NCAPH: variants seen among roughly 807,000 people sequenced by gnomAD.
NCAPH encodes the protein non-SMC condensin I complex subunit H, also known as condensin complex subunit 2.
In NCAPH, 38 loss-of-function variants were observed where a neutral mutation model predicts 85.5. The ratio of observed to expected loss-of-function variants is 0.44; its 90% CI spans 0.34 to 0.58. The LOEUF (loss-of-function observed/expected upper bound fraction) is 0.58. Ranked by LOEUF, NCAPH falls within the 20% of genes least tolerant of loss-of-function variation. The pLI is 0.01. For missense variants in NCAPH, 789 were observed against 916.6 expected, an observed-to-expected ratio of 0.86 and a Z score of 1.80; for synonymous variants, 301 against 335.1, an observed-to-expected ratio of 0.90 and a Z score of 1.11.
chr2:96,365,928 G>A lies in NCAPH; in HGVS notation c.1751G>A (p.Gly584Glu), dbSNP rs1206515931. The part of the protein sequence containing the change: ...DLDDLFVGPV[G>E]NSDLSPYPCH... The stretch of plus-strand genomic sequence containing the variant: ...GATGACTTATTTGTGGGACCTGTTG[G>A]GAACTCTGACCTCTCACCTTATCCT... The change falls in exon 14 of 18, where the codon GGG (glycine) becomes GAG (glutamate). Residue 584 changes from glycine to glutamate, a missense_variant. Transcript: ENST00000240423. 1 of 1,614,174 alleles carries A rather than the reference G, an allele frequency of 6.2e-7. No individual in the cohort carries two copies. Among genetic ancestry groups the A allele is most frequent in the Non-Finnish European group, 8.5e-7 (1 of 1,180,036 alleles).
rs34560390 is a variant in NCAPH, at chr2:96,338,241, GA to G, written c.19+2415del. On this transcript the variant is annotated intron_variant, in intron 1 of 17. Transcript: ENST00000240423. The stretch of plus-strand genomic sequence containing the variant: ...CCTTGTTTTTACTTCCTATTTTATT[GA>G]AAAAAAAAAAAAAAAAAAAAAGCAA... 6.2e-4 allele frequency among the ~76,000 whole-genome samples: 50 copies of G among 80,824 alleles called. 1 individual carries two copies. The highest frequency in any genetic ancestry group is 1.8e-3 in the Admixed American group (11 of 6,040). The allele number at this position is 80,824 out of a possible 152,430, so 53.0% of individuals were successfully genotyped here.
At chr2:96,345,820 A>G (rs541045773) in intron 6 of NCAPH, among the ~76,000 whole-genome samples, 46 of 152,344 alleles carry the variant, frequency 3.0e-4, no homozygotes, top group African/African-American at 1.1e-3. Flanking sequence ...AGCTTTACAG[A>G]GATTCGTATT....
At chr2:96,338,515 A>T (rs1280179770) in intron 1 of NCAPH, among the ~76,000 whole-genome samples, 1 of 152,218 alleles carries the variant, frequency 6.6e-6, no homozygotes, top group Admixed American at 6.5e-5. Flanking sequence ...TTACGTGGTG[A>T]AAGAGACTTT....
rs1459869932 is a variant in NCAPH at position 96,342,830 on chromosome 2, C to A, written c.438C>A (p.Thr146=). The A allele has an allele frequency of 6.2e-7, 1 of 1,611,734 alleles. No homozygotes were observed. Among genetic ancestry groups the A allele is most frequent in the Non-Finnish European group, 8.5e-7 (1 of 1,178,610 alleles). Residue 146 remains threonine (T), a synonymous_variant, in exon 4 of 18, where the codon ACC becomes ACA. Coordinates refer to ENST00000240423, the MANE Select transcript of NCAPH (RefSeq NM_015341.5). The part of the protein sequence containing the change: ...FMSEILKQKD[T]EPTNFKVAAG... ...CAGAGATTCTTAAACAGAAAGACAC[C>A]GAACCAACCAACTTTAAAGTAAGAA...
chr2:96,336,614 T>C (rs1213382288), intron 1 of NCAPH, among the ~76,000 whole-genome samples: 3 of 152,098 alleles, frequency 2.0e-5, no homozygotes, highest in Non-Finnish European at 2.9e-5. Flanking sequence ...GGAAATTGAG[T>C]TACATTTTGG....
intron 8 of NCAPH, among the ~76,000 whole-genome samples, chr2:96,353,648 C>T (rs978002055): frequency 2.0e-5 from 3 of 152,132 alleles, no homozygotes; most frequent in Non-Finnish European, 2.9e-5. Context: ...TAGGGTAAGG[C>T]GGCCCTGGCA....
intron 12 of NCAPH, among the ~76,000 whole-genome samples, chr2:96,362,209 G>A (rs1299208245): frequency 6.6e-6 from 1 of 151,616 alleles, no homozygotes; most frequent in Non-Finnish European, 1.5e-5. Flanking sequence ...GACAAAGTGA[G>A]GCCTCATCTC....
In NCAPH at chr2:96,344,112, T is replaced by C; in HGVS notation, c.603T>C (p.Ser201=). Residue 201 remains serine, a synonymous_variant, in exon 6 of 18, where the codon AGT becomes AGC. Transcript: ENST00000240423. Reference sequence around the variant, plus strand: ...TTGTATTTCTCCTTTTAGATGGAAGTGCTACTGAAATGGGAACAACCAAAA... The same window carrying C: ...TTGTATTTCTCCTTTTAGATGGAAGCGCTACTGAAATGGGAACAACCAAAA... ...EEVEGHVADG[S]ATEMGTTKKA... The C allele has an allele frequency of 1.2e-6, 2 of 1,611,682 alleles. No individual in the cohort carries two copies. Among genetic ancestry groups the C allele is most frequent in the Non-Finnish European group, 1.7e-6 (2 of 1,179,346 alleles).
Position 96,367,285 on chromosome 2 carries a change from A to G in NCAPH, c.1910A>G (p.Lys637Arg). 6.2e-7 allele frequency: 1 copy of G among 1,613,338 alleles called. No individual in the cohort carries two copies. Residue 637 changes from lysine to arginine, a missense_variant, in exon 15 of 18, where the codon AAG (lysine) becomes AGG (arginine). Transcript: ENST00000240423. The stretch of plus-strand genomic sequence containing the variant: ...AATAAAATTGAAATTCACTATGCCA[A>G]GACTGCCAAAAAGATGGACATGAAG... ...KVNKIEIHYA[K>R]TAKKMDMKKL...
chr2:96,358,662 G>A lies in NCAPH; in HGVS notation c.1209-383G>A, dbSNP rs867027233. 1.5e-4 allele frequency among the ~76,000 whole-genome samples: 23 copies of A among 152,276 alleles called. No individual in the cohort carries two copies. In the South Asian group the frequency reaches 2.5e-3, roughly 16 times the overall value. On this transcript the variant is annotated intron_variant, in intron 9 of 17. Transcript: ENST00000240423. Reference sequence around the variant, plus strand: ...TTTTTGTATTTTTAGTAGAGACGGCGTTTCACTGTGTTAGCCAGGGTGGTC... The same window carrying A: ...TTTTTGTATTTTTAGTAGAGACGGCATTTCACTGTGTTAGCCAGGGTGGTC...
At chr2:96,371,797 G>A (rs902117484) in intron 17 of NCAPH, among the ~76,000 whole-genome samples, 1 of 152,190 alleles carries the variant, frequency 6.6e-6, no homozygotes, top group East Asian at 1.9e-4. Flanking sequence ...GCCACCAAGA[G>A]AAATATTCTC....
At chr2:96,369,141 A>C in intron 16 of NCAPH, 78 bp downstream of exon 16, 1 of 1,344,226 alleles carries the variant, frequency 7.4e-7, no homozygotes, top group Non-Finnish European at 1.0e-6. Flanking sequence ...TCCACACACA[A>C]CCTGTTTCCT....
At chr2:96,336,381 C>A (rs1176930495) in intron 1 of NCAPH, among the ~76,000 whole-genome samples, 1 of 152,138 alleles carries the variant, frequency 6.6e-6, no homozygotes, top group Admixed American at 6.5e-5. Flanking sequence ...ACACATGAGG[C>A]TGAGTGCTGT....
At chr2:96,361,769 C>CACATAT (rs1420763895) in intron 12 of NCAPH, among the ~76,000 whole-genome samples, 16 of 114,976 alleles carry the variant, frequency 1.4e-4, no homozygotes, top group Non-Finnish European at 1.9e-4. Context: ...TATATATATA[C>CACATAT]ATATATATAT....
chr2:96,349,110 A>G (rs948569436), intron 6 of NCAPH, among the ~76,000 whole-genome samples: 1 of 152,216 alleles, frequency 6.6e-6, no homozygotes, highest in African/African-American at 2.4e-5. Context: ...CCAGGCCTGC[A>G]TTAGCTTTTC....
intron 12 of NCAPH, among the ~76,000 whole-genome samples, chr2:96,362,030 CG>C (rs1230064590): frequency 6.6e-6 from 1 of 151,350 alleles, no homozygotes; most frequent in African/African-American, 2.4e-5. Context: ...AGGCGTGAGC[CG>C]TTACACCTGG....
chr2:96,358,273 T>A (rs982736555), intron 9 of NCAPH, among the ~76,000 whole-genome samples: 4 of 152,162 alleles, frequency 2.6e-5, no homozygotes, highest in African/African-American at 9.6e-5. Context: ...TAGACAAACA[T>A]GTTTTTTCAC....
At chr2:96,370,369 A>G (rs2064756823) in intron 17 of NCAPH, among the ~76,000 whole-genome samples, 1 of 152,216 alleles carries the variant, frequency 6.6e-6, no homozygotes, top group Non-Finnish European at 1.5e-5. Flanking sequence ...GAACGCCGAA[A>G]TGTGGTTTTG....
At chr2:96,341,979 G>A (rs989097366) in intron 2 of NCAPH, 71 bp from the exon 3 acceptor site, 1 of 1,604,250 alleles carries the variant, frequency 6.2e-7, no homozygotes. Context: ...AAAACTTCAT[G>A]GGTCTAGGTT....
Sources: gnomAD v4.1 joint callset for allele counts (sites outside exome capture counted in the v4.1 genomes callset) on GRCh38, gnomAD v4.1.1 for gene constraint, MANE v1.5 for transcripts, NCBI Gene and HGNC (gene_info 2026-07-23, HGNC 2026-07-21) for gene names.